The following FIG4 variants were observed in gnomAD, a reference collection of about 807,000 sequenced individuals.
FIG4 encodes the protein polyphosphoinositide phosphatase.
In FIG4, 112 loss-of-function variants were observed where a neutral mutation model predicts 118.6. The ratio of observed to expected loss-of-function variants is 0.94; its 90% CI spans 0.81 to 1.11. FIG4 has a LOEUF of 1.11. FIG4 is among the 50% of genes least tolerant of loss of function. FIG4 has a pLI of 0.00. For synonymous variants in FIG4, 369 were observed against 381.2 expected, an observed-to-expected ratio of 0.97 and a Z score of 0.37; for missense variants, 969 against 1,111.7, an observed-to-expected ratio of 0.87 and a Z score of 1.83.
At chr6:109,778,470 C>A (rs1445927491) in intron 16 of FIG4, among the ~76,000 whole-genome samples, 88 of 142,998 alleles carry the variant, frequency 6.2e-4, no homozygotes, top group Middle Eastern at 3.6e-3. Context: ...ACCTCTGTCT[C>A]AAAAAAAAAA....
intron 15 of FIG4, among the ~76,000 whole-genome samples, chr6:109,774,644 A>G (rs1167422103): frequency 2.0e-5 from 3 of 152,174 alleles, no homozygotes; most frequent in Admixed American, 2.0e-4. Flanking sequence ...AACTTAACAG[A>G]CAGAAAATGG....
In FIG4 at chr6:109,741,453, T is replaced by A; in HGVS notation, c.785T>A (p.Ile262Asn). The A allele has an allele frequency of 6.2e-7, 1 of 1,610,210 alleles. No individual in the cohort carries two copies. The highest frequency in any genetic ancestry group is 8.5e-7 in the Non-Finnish European group (1 of 1,176,580). The change falls in exon 8 of 23, where the codon ATC (isoleucine) becomes AAC (asparagine). Residue 262 changes from isoleucine to asparagine, a missense_variant. By Grantham distance (149) the Ile-to-Asn change is moderately radical (BLOSUM62 -3). Coordinates refer to ENST00000230124, the MANE Select transcript of FIG4 (RefSeq NM_014845.6). ...TAACTTGATTTCCAAGAGCTGTTGA[T>A]CTATGGACGACCAGTGTATGTCACT... is the stretch of plus-strand genomic sequence containing the variant. ...HGFCGQSKLL[I>N]YGRPVYVTLI...
At chr6:109,735,068 G>T (rs1776120081) in intron 5 of FIG4, 82 bp from the exon 6 acceptor site, 2 of 1,236,946 alleles carry the variant, frequency 1.6e-6, no homozygotes, top group Non-Finnish European at 2.4e-6. Flanking sequence ...TTAGTTCACA[G>T]ATTTTAATTC....
At chr6:109,762,359 G>A in intron 12 of FIG4, 152 bp downstream of exon 12, 2 of 665,316 alleles carry the variant, frequency 3.0e-6, no homozygotes, top group Non-Finnish European at 2.8e-6. Flanking sequence ...ATGTTCACTG[G>A]GGCATGGGAA....
intron 22 of FIG4, among the ~76,000 whole-genome samples, chr6:109,813,617 G>A (rs1210563193): frequency 3.3e-5 from 5 of 152,132 alleles, no homozygotes; most frequent in African/African-American, 7.2e-5. Context: ...AGGGGATAAC[G>A]GTGTGGTAGC....
At chr6:109,735,402 C>G in intron 6 of FIG4, 104 bp downstream of exon 6, 1 of 1,119,118 alleles carries the variant, frequency 8.9e-7, no homozygotes, top group Non-Finnish European at 1.4e-6. Context: ...TCCCTCTTTG[C>G]TGTTTGTCCT....
Position 109,825,358 on chromosome 6 carries a change from G to A in FIG4, c.*93G>A, listed in dbSNP as rs148323115. On this transcript the variant is annotated 3_prime_UTR_variant, in exon 23 of 23. Transcript: ENST00000230124. ...AGGTAACTTATTAAAAGTCCTTTGC[G>A]TCTGAAGCCTTTCTCCTTTTCTGTC... 142 of 1,180,502 alleles carry A rather than the reference G, an allele frequency of 1.2e-4. No homozygotes were observed. The highest frequency in any genetic ancestry group is 1.2e-3 in the African/African-American group (79 of 66,086). 73.1% of individuals were successfully genotyped at this position (1,180,502 alleles called of 1,614,324 possible).
chr6:109,708,501 G>T (rs1279274819), intron 1 of FIG4, among the ~76,000 whole-genome samples: 3 of 152,178 alleles, frequency 2.0e-5, no homozygotes, highest in Non-Finnish European at 2.9e-5. Context: ...GGATTGCTGG[G>T]CCGAATGATA....
chr6:109,751,275 C>T (rs549310356), intron 10 of FIG4, among the ~76,000 whole-genome samples: 2 of 152,256 alleles, frequency 1.3e-5, no homozygotes, highest in African/African-American at 4.8e-5. Context: ...GCCAGCTGTT[C>T]TATAAAAACT....
chr6:109,712,012 C>T (rs183157850), intron 1 of FIG4, among the ~76,000 whole-genome samples: 12 of 152,270 alleles, frequency 7.9e-5, no homozygotes, highest in East Asian at 7.7e-4. Context: ...CCTTTGCTTA[C>T]GAAGCTTGGT....
chr6:109,791,348 C>T lies in FIG4; in HGVS notation c.2181-28C>T, dbSNP rs752571875. The T allele has an allele frequency of 1.9e-6, 3 of 1,591,154 alleles. No homozygotes were observed. The East Asian group carries it at 6.7e-5, about 36-fold the overall frequency. On this transcript the variant is annotated intron_variant, in intron 19 of 22. Coordinates refer to ENST00000230124, the MANE Select transcript of FIG4 (RefSeq NM_014845.6). ...GGTGTTGAGGGTTAGTTTAAAGATG[C>T]TTCACTTCCATATTATTCTTTTAAA...
At chr6:109,703,489 A>G (rs1774964701) in intron 1 of FIG4, among the ~76,000 whole-genome samples, 1 of 152,112 alleles carries the variant, frequency 6.6e-6, no homozygotes, top group Non-Finnish European at 1.5e-5. Flanking sequence ...CATGCTTTTC[A>G]GTTTCAAATG....
intron 1 of FIG4, among the ~76,000 whole-genome samples, chr6:109,694,169 C>A (rs963583727): frequency 2.0e-5 from 3 of 152,104 alleles, no homozygotes; most frequent in Non-Finnish European, 2.9e-5. Context: ...TAATTTAAGG[C>A]AGTTACTTAA....
chr6:109,721,764 C>A (rs1271781971), intron 3 of FIG4, among the ~76,000 whole-genome samples: 1 of 152,016 alleles, frequency 6.6e-6, no homozygotes, highest in Non-Finnish European at 1.5e-5. Flanking sequence ...TTGGTAGTAA[C>A]AAGGAAGTGG....
Position 109,716,447 on chromosome 6 carries a change from T to G in FIG4, c.168T>G (p.His56Gln), listed in dbSNP as rs755600120. 1 of 1,613,604 alleles carries G rather than the reference T, an allele frequency of 6.2e-7. No homozygotes were observed. The highest frequency in any genetic ancestry group is 1.1e-5 in the South Asian group (1 of 91,068). The change falls in exon 3 of 23, where the codon CAT becomes CAG. Residue 56 changes from histidine (H) to glutamine (Q), a missense_variant and splice_region_variant. Around this residue, in one of 3 missense-constraint regions of FIG4, gnomAD observed 393 missense variants for 409.4 expected, o/e 0.96. Transcript: ENST00000230124. Reference protein sequence around the residue: ...PKDLVIIDDRHVYTQQEVREL... With the variant: ...PKDLVIIDDRQVYTQQEVREL... ...AGAGTAAATGTGCTTATTCTTAGCA[T>G]GTCTATACTCAACAAGAAGTAAGGG...
intron 16 of FIG4, among the ~76,000 whole-genome samples, chr6:109,778,535 G>A (rs759221845): frequency 6.6e-6 from 1 of 151,340 alleles, no homozygotes; most frequent in Non-Finnish European, 1.5e-5. Flanking sequence ...CTAATTGTGT[G>A]TATGGGACCA....
chr6:109,812,639 T>C (rs528377331), intron 22 of FIG4, among the ~76,000 whole-genome samples: 1 of 152,140 alleles, frequency 6.6e-6, no homozygotes, highest in Non-Finnish European at 1.5e-5. Context: ...AACAGGAAGG[T>C]TATTAATGAT....
intron 4 of FIG4, among the ~76,000 whole-genome samples, chr6:109,732,409 G>C (rs1485450360): frequency 6.6e-6 from 1 of 152,110 alleles, no homozygotes; most frequent in Non-Finnish European, 1.5e-5. Context: ...GCCTCTCACT[G>C]GCATAATCAG....
intron 4 of FIG4, among the ~76,000 whole-genome samples, chr6:109,728,668 T>G (rs1468178573): frequency 6.6e-6 from 1 of 152,166 alleles, no homozygotes; most frequent in Non-Finnish European, 1.5e-5. Flanking sequence ...AATAATTTGT[T>G]TCATTTGAGG....
Sources: allele counts gnomAD v4.1 joint callset (sites outside exome capture counted in the v4.1 genomes callset), GRCh38; gene constraint gnomAD v4.1.1; regional missense constraint gnomAD v4.1.1; transcripts MANE v1.5; gene names NCBI Gene and HGNC (gene_info 2026-07-23, HGNC 2026-07-21).